Variants in TXNRD3 observed in about 807,000 individuals in gnomAD.
TXNRD3 encodes TXNRD3 neighbor gene protein.
TXNRD3 carries 68 observed loss-of-function variants against 78.2 expected under a neutral mutation model. The observed-to-expected ratio is 0.87, with a 90% CI of 0.72 to 1.06. TXNRD3 has a LOEUF of 1.06. Among genes scored for constraint, TXNRD3 ranks in the 50% least tolerant of loss-of-function variants. The pLI is 0.00. For missense variants in TXNRD3, 751 were observed against 809.5 expected (o/e 0.93, Z 0.88); for synonymous variants, 296 against 300.1 (o/e 0.99, Z 0.14).
chr3:126,633,839 T>C, intron 7 of TXNRD3, 70 bp downstream of exon 7: 1 of 1,321,098 alleles, frequency 7.6e-7, no homozygotes, highest in Non-Finnish European at 9.8e-7. Context: ...CAACATGAAA[T>C]TTTAGTTGAA....
chr3:126,608,089 G>GA, intron 15 of TXNRD3, 116 bp from the exon 16 acceptor site: 3 of 776,868 alleles, frequency 3.9e-6, no homozygotes, highest in Non-Finnish European at 3.8e-6. Flanking sequence ...GGCCAGGCAT[G>GA]GTGGCTCATG....
rs767430212 is a variant in TXNRD3, at chr3:126,627,089, C to A, written c.1290+2290G>T. 3.9e-5 allele frequency among the ~76,000 whole-genome samples: 6 copies of A among 152,182 alleles called. No homozygotes were observed. In the South Asian group the frequency reaches 6.2e-4, roughly 16 times the overall value. ...GGTGACAGAGTGAAACCATCTCTCTCTATATATCTCTCCATAAAAAGCTTT... is the reference window on the plus strand; with the variant it reads ...GGTGACAGAGTGAAACCATCTCTCTATATATATCTCTCCATAAAAAGCTTT... On this transcript the variant is annotated intron_variant, in intron 10 of 15. Coordinates refer to ENST00000524230, the MANE Select transcript of TXNRD3 (RefSeq NM_052883.3).
chr3:126,621,307 A>G (rs1378781321), intron 12 of TXNRD3, among the ~76,000 whole-genome samples: 12 of 152,266 alleles, frequency 7.9e-5, no homozygotes, highest in Admixed American at 7.8e-4. Context: ...AGCCAGGACC[A>G]GAATCCTGAT....
rs1351447993 is a variant in TXNRD3, at chr3:126,615,433, C to T, written c.1554G>A (p.Val518=). 6.6e-7 allele frequency: 1 copy of T among 1,514,022 alleles called. No homozygotes were observed. Among genetic ancestry groups the T allele is most frequent in the Middle Eastern group, 1.7e-4 (1 of 5,900 alleles). 93.8% of individuals were successfully genotyped at this position (1,514,022 alleles called of 1,614,324 possible). ...AGCAACCATACTCCAGAGGAGTAAA[C>T]ACTGTAGTCGGAACATTAATATAAT... The change falls in exon 13 of 16, where the codon GTG becomes GTA. Residue 518 remains valine, a synonymous_variant. Coordinates refer to ENST00000524230, the MANE Select transcript of TXNRD3 (RefSeq NM_052883.3).
chr3:126,623,311 GA>G (rs773995074), intron 10 of TXNRD3, among the ~76,000 whole-genome samples: 1 of 151,986 alleles, frequency 6.6e-6, no homozygotes, highest in Non-Finnish European at 1.5e-5. Flanking sequence ...ACTCTTTCAG[GA>G]AAGAGAAAAA....
intron 13 of TXNRD3, among the ~76,000 whole-genome samples, chr3:126,612,324 C>G (rs757219746): frequency 6.6e-6 from 1 of 152,174 alleles, no homozygotes; most frequent in Non-Finnish European, 1.5e-5. Flanking sequence ...AGGTGTGAGC[C>G]ACCAGCCCCC....
At chr3:126,651,498 C>T (rs1031149605) in intron 1 of TXNRD3, among the ~76,000 whole-genome samples, 25 of 152,170 alleles carry the variant, frequency 1.6e-4, no homozygotes, top group African/African-American at 5.6e-4. Context: ...TTTTCTGTAT[C>T]AGGAAAGATT....
At chr3:126,615,781 A>G (rs1261443961) in intron 12 of TXNRD3, among the ~76,000 whole-genome samples, 1 of 152,082 alleles carries the variant, frequency 6.6e-6, no homozygotes, top group African/African-American at 2.4e-5. Flanking sequence ...ACTCTCCAAA[A>G]TGTTTTCTTT....
intron 10 of TXNRD3, among the ~76,000 whole-genome samples, chr3:126,624,424 C>CTT (rs34255927): frequency 7.0e-6 from 1 of 142,100 alleles, no homozygotes. Context: ...AATGGTCTTT[C>CTT]TTTTTTTTTT....
chr3:126,614,921 G>A (rs1938280019), intron 13 of TXNRD3, among the ~76,000 whole-genome samples: 1 of 152,162 alleles, frequency 6.6e-6, no homozygotes, highest in Admixed American at 6.5e-5. Flanking sequence ...TAATTGGACA[G>A]GGTTGGGGGG....
intron 6 of TXNRD3, among the ~76,000 whole-genome samples, chr3:126,640,925 T>A (rs1470693900): frequency 6.7e-6 from 1 of 149,836 alleles, no homozygotes; most frequent in Admixed American, 6.6e-5. Context: ...AAGAAAGGGT[T>A]TCCTGGTTTC....
Position 126,644,471 on chromosome 3 carries a change from TG to T in TXNRD3, c.415-71del, listed in dbSNP as rs1933183191. 4.0e-6 allele frequency: 4 copies of T among 988,418 alleles called. No individual in the cohort carries two copies. In the African/African-American group the frequency reaches 6.5e-5, roughly 16 times the overall value. 61.2% of individuals were successfully genotyped at this position (988,418 alleles called of 1,614,324 possible). A position where few individuals can be genotyped will look rare whatever the true frequency, so the allele number is the denominator to read the frequency against. ...TTTACAGCTATTTATGTACACCCTA[TG>T]TTCAACTGGTATGGATTTCTTTTAT... On this transcript the variant is annotated intron_variant, in intron 3 of 15. Transcript: ENST00000524230.
rs1426339447 is a variant in TXNRD3 at position 126,633,958 on chromosome 3, A to T, written c.806T>A (p.Val269Glu). 7 of 1,521,226 alleles carry T rather than the reference A, an allele frequency of 4.6e-6. No individual in the cohort carries two copies. The highest frequency in any genetic ancestry group is 1.4e-5 in the African/African-American group (1 of 72,790). 94.2% of individuals were successfully genotyped at this position (1,521,226 alleles called of 1,614,324 possible). A position where few individuals can be genotyped will look rare whatever the true frequency, so the allele number is the denominator to read the frequency against. Residue 269 changes from valine to glutamate, a missense_variant, in exon 7 of 16, where the codon GTG becomes GAG. Coordinates refer to ENST00000524230, the MANE Select transcript of TXNRD3 (RefSeq NM_052883.3). The stretch of plus-strand genomic sequence containing the variant: ...TTCTCCATAGGAATTGACATAGGCC[A>T]CAGCCTTTTCCCTCAGAGACAACCT...
intron 11 of TXNRD3, 43 bp from the exon 12 acceptor site, chr3:126,621,941 C>A: frequency 7.1e-7 from 1 of 1,415,108 alleles, no homozygotes. Flanking sequence ...TTACAACTCA[C>A]TCTACACTGC....
chr3:126,621,514 T>C (rs1006828302), intron 12 of TXNRD3, among the ~76,000 whole-genome samples: 1 of 152,206 alleles, frequency 6.6e-6, no homozygotes, highest in African/African-American at 2.4e-5. Context: ...GGTAAGCCCC[T>C]GGGGCTGACC....
chr3:126,654,963 C>G lies in TXNRD3; in HGVS notation c.28G>C (p.Gly10Arg). 4 of 1,298,740 alleles carry G rather than the reference C, an allele frequency of 3.1e-6. No homozygotes were observed. The highest frequency in any genetic ancestry group is 3.9e-6 in the Non-Finnish European group (4 of 1,028,238). The allele number at this position is 1,298,740 out of a possible 1,614,324, so 80.5% of individuals were successfully genotyped here. A position where few individuals can be genotyped will look rare whatever the true frequency, so the allele number is the denominator to read the frequency against. The stretch of plus-strand genomic sequence containing the variant: ...GGGGCATCGCCCGCCTTTCCCGGCC[C>G]GGGCGACTGCGGCGGCGACCGCTCC... Residue 10 changes from glycine (G) to arginine (R), a missense_variant, in exon 1 of 16, where the codon GGG (glycine) becomes CGG (arginine). Physicochemically the swap from Gly to Arg is moderately radical, Grantham distance 125. Coordinates refer to ENST00000524230, the MANE Select transcript of TXNRD3 (RefSeq NM_052883.3).
intron 1 of TXNRD3, among the ~76,000 whole-genome samples, chr3:126,651,755 A>G (rs920641682): frequency 1.3e-5 from 2 of 152,202 alleles, no homozygotes; most frequent in African/African-American, 4.8e-5. Context: ...CCAAAAAAGG[A>G]AACAGGAACA....
chr3:126,648,625 G>A (rs1331575014), intron 1 of TXNRD3, among the ~76,000 whole-genome samples: 2 of 152,182 alleles, frequency 1.3e-5, no homozygotes, highest in African/African-American at 4.8e-5. Context: ...ATGATGCTGA[G>A]AAAACTGGCT....
intron 14 of TXNRD3, chr3:126,609,128 T>A (rs1255786963): frequency 1.1e-5 from 5 of 443,848 alleles, no homozygotes; most frequent in Non-Finnish European, 1.8e-5. Context: ...GTGCAGGCAA[T>A]GAGCTGACCC....
Sources: allele counts gnomAD v4.1 joint callset (sites outside exome capture counted in the v4.1 genomes callset), GRCh38; gene constraint gnomAD v4.1.1; transcripts MANE v1.5; gene names NCBI Gene and HGNC (gene_info 2026-07-23, HGNC 2026-07-21).